Variants in TMEM192 observed in about 807,000 individuals in gnomAD.
The protein encoded by TMEM192 is transmembrane protein 192.
In TMEM192, 20 loss-of-function variants were observed where a neutral mutation model predicts 26.7. The observed-to-expected ratio is 0.75, with a 90% CI of 0.53 to 1.09. TMEM192 has a LOEUF of 1.09. Ranked by LOEUF, TMEM192 falls within the 50% of genes least tolerant of loss-of-function variation. TMEM192 has a pLI of 0.00. For missense variants in TMEM192, 304 were observed against 322.6 expected, an observed-to-expected ratio of 0.94 and a Z score of 0.44; for synonymous variants, 124 against 121.0, an observed-to-expected ratio of 1.02 and a Z score of -0.16.
Position 165,100,902 on chromosome 4 carries a change from A to G in TMEM192, c.175-10T>C, listed in dbSNP as rs754936220. On this transcript the variant is annotated splice_polypyrimidine_tract_variant and intron_variant, in intron 2 of 5. Coordinates refer to ENST00000306480, the MANE Select transcript of TMEM192 (RefSeq NM_001100389.2). ...AAACAACAAACACGAGCTGGGGGAA[A>G]GGAGAGCAGAAAGATTAATATTCAA... is the stretch of plus-strand genomic sequence containing the variant. 5 of 1,603,534 alleles carry G rather than the reference A, an allele frequency of 3.1e-6. No individual in the cohort carries two copies. The highest frequency in any genetic ancestry group is 3.4e-6 in the Non-Finnish European group (4 of 1,176,010).
chr4:165,099,956 A>G (rs1735000654), intron 3 of TMEM192, among the ~76,000 whole-genome samples: 1 of 152,064 alleles, frequency 6.6e-6, no homozygotes, highest in African/African-American at 2.4e-5. Context: ...CCTCAGAGAA[A>G]ATAAAATAAA....
rs1237375870 is a variant in TMEM192 at position 165,085,694 on chromosome 4, A to G, written c.575-6T>C. ...ATTAAATCTCCGGATTTTCACTAAA[A>G]TAATAAAGTCATTATTAGATCGAAT... On this transcript the variant is annotated splice_region_variant and splice_polypyrimidine_tract_variant and intron_variant, in intron 4 of 5. Coordinates refer to ENST00000306480, the MANE Select transcript of TMEM192 (RefSeq NM_001100389.2). The G allele has an allele frequency of 6.4e-7, 1 of 1,566,178 alleles. No individual in the cohort carries two copies. Among genetic ancestry groups the G allele is most frequent in the African/African-American group, 1.4e-5 (1 of 73,118 alleles).
At chr4:165,090,910 C>CAAAAAAAAAAAAAA (rs70952700) in intron 3 of TMEM192, among the ~76,000 whole-genome samples, 2 of 51,016 alleles carry the variant, frequency 3.9e-5, no homozygotes, top group African/African-American at 7.8e-5. Flanking sequence ...GACTCTGTCT[C>CAAAAAAAAAAAAAA]AAAAAAAAAA....
intron 3 of TMEM192, among the ~76,000 whole-genome samples, chr4:165,094,474 A>G (rs1268473425): frequency 6.6e-6 from 1 of 152,300 alleles, no homozygotes; most frequent in Non-Finnish European, 1.5e-5. Flanking sequence ...CCTGACCAAC[A>G]GGGAGAAACC....
At chr4:165,093,213 C>T (rs1264244143) in intron 3 of TMEM192, among the ~76,000 whole-genome samples, 3 of 151,108 alleles carry the variant, frequency 2.0e-5, no homozygotes, top group African/African-American at 4.9e-5. Context: ...TCTCCTGCCG[C>T]GGCCTCCTGA....
intron 3 of TMEM192, among the ~76,000 whole-genome samples, chr4:165,091,110 G>A (rs528682220): frequency 2.6e-5 from 4 of 151,104 alleles, no homozygotes; most frequent in Admixed American, 6.6e-5. Context: ...CTAAAAATAC[G>A]AAAAAAATTA....
intron 3 of TMEM192, among the ~76,000 whole-genome samples, chr4:165,095,988 G>A (rs934016156): frequency 6.7e-6 from 1 of 149,554 alleles, no homozygotes; most frequent in Non-Finnish European, 1.5e-5. Context: ...GTACAGACAG[G>A]GTTTCACCAT....
At chr4:165,100,971 C>CT (rs71602569) in intron 2 of TMEM192, 79 bp from the exon 3 acceptor site, 158,417 of 762,514 alleles carry the variant, frequency 0.21, 2,310 homozygotes, top group South Asian at 0.23. Context: ...AGCATACATT[C>CT]TTTTTTTTTT....
Position 165,088,581 on chromosome 4 carries a change from A to G in TMEM192, c.461T>C (p.Ile154Thr), listed in dbSNP as rs377453363. The change falls in exon 4 of 6, where the codon ATA (isoleucine) becomes ACA (threonine). Residue 154 changes from isoleucine to threonine, a missense_variant. Ile to Thr is a moderately conservative substitution (Grantham distance 89). Transcript: ENST00000306480. ...TGGGAAGGAGTGCTGCATGCACAGT[A>G]TGAGGAGAAGCACTGTGTTGCCTGA... Reference protein sequence around the residue: ...QSSGNTVLLLILCMQHSFPEP... With the variant: ...QSSGNTVLLLTLCMQHSFPEP... 5.0e-6 allele frequency: 8 copies of G among 1,612,976 alleles called. No individual in the cohort carries two copies. The African/African-American group carries it at 1.1e-4, about 22-fold the overall frequency.
chr4:165,085,615 G>A lies in TMEM192; in HGVS notation c.648C>T (p.Pro216=). The change falls in exon 5 of 6, where the codon CCC becomes CCT. Residue 216 remains proline (P), a synonymous_variant. Coordinates refer to ENST00000306480, the MANE Select transcript of TMEM192 (RefSeq NM_001100389.2). The part of the protein sequence containing the change: ...ILEEEKIYAY[P]SNITSETGFR... ...ATCCAGTCTCCGAGGTAATATTGCT[G>A]GGGTAAGCATAGATTTTTTCTTCTT... 1 of 1,612,010 alleles carries A rather than the reference G, an allele frequency of 6.2e-7. No individual in the cohort carries two copies. Among genetic ancestry groups the A allele is most frequent in the Non-Finnish European group, 8.5e-7 (1 of 1,179,234 alleles).
chr4:165,078,207 C>T lies in TMEM192; in HGVS notation c.*1451G>A, dbSNP rs1248670804. On this transcript the variant is annotated 3_prime_UTR_variant, in exon 6 of 6. Transcript: ENST00000306480. ...CCCTTGCCTATATAGTTATATCGAA[C>T]ACATCCCTATATGGTTACATATCAA... 1 of 152,160 alleles carries T rather than the reference C, an allele frequency of 6.6e-6. No individual in the cohort carries two copies. Among genetic ancestry groups the T allele is most frequent in the Non-Finnish European group, 1.5e-5 (1 of 68,038 alleles). The allele number at this position is 152,160 out of a possible 1,614,324, so 9.4% of individuals were successfully genotyped here.
rs1415891912 is a variant in TMEM192 at position 165,076,815 on chromosome 4, T to C, written c.*2843A>G. The C allele has an allele frequency of 6.6e-6, 1 of 152,260 alleles. No individual in the cohort carries two copies. The highest frequency in any genetic ancestry group is 1.5e-5 in the Non-Finnish European group (1 of 68,056). 9.4% of individuals were successfully genotyped at this position (152,260 alleles called of 1,614,324 possible). A position where few individuals can be genotyped will look rare whatever the true frequency, so the allele number is the denominator to read the frequency against. On this transcript the variant is annotated 3_prime_UTR_variant, in exon 6 of 6. Coordinates refer to ENST00000306480, the MANE Select transcript of TMEM192 (RefSeq NM_001100389.2). ...TTTTTCTGTTTTGTTACTTCTTTTT[T>C]TTTTGAGATCGAGTCTAGCTCTGTT...
At chr4:165,104,475 C>A (rs1182844425) in intron 1 of TMEM192, among the ~76,000 whole-genome samples, 1 of 152,102 alleles carries the variant, frequency 6.6e-6, no homozygotes, top group Non-Finnish European at 1.5e-5. Context: ...GGAGTGGGCT[C>A]CTCAATTTCC....
intron 4 of TMEM192, among the ~76,000 whole-genome samples, chr4:165,086,284 A>C (rs941061098): frequency 4.6e-5 from 7 of 152,080 alleles, no homozygotes; most frequent in Non-Finnish European, 1.0e-4. Context: ...GTGCAGGAGG[A>C]GTCTGAACAA....
At chr4:165,094,269 T>A (rs1424542493) in intron 3 of TMEM192, among the ~76,000 whole-genome samples, 1 of 152,120 alleles carries the variant, frequency 6.6e-6, no homozygotes, top group East Asian at 1.9e-4. Context: ...ACTCCTGGCC[T>A]CAAGTGACCC....
At chr4:165,106,764 T>G (rs192274170) in intron 1 of TMEM192, among the ~76,000 whole-genome samples, 1 of 152,344 alleles carries the variant, frequency 6.6e-6, no homozygotes, top group Admixed American at 6.5e-5. Flanking sequence ...TCCCTGGTTT[T>G]GAGGCTTTTG....
At chr4:165,085,714 T>A (rs886819980) in intron 4 of TMEM192, 26 bp from the exon 5 acceptor site, 1 of 1,483,714 alleles carries the variant, frequency 6.7e-7, no homozygotes, top group Non-Finnish European at 9.3e-7. Context: ...CATTATTAGA[T>A]CGAATTCTGA....
rs1734350582 is a variant in TMEM192, at chr4:165,075,257, T to C, written c.*4401A>G. The C allele has an allele frequency of 6.6e-6, 1 of 151,480 alleles. No homozygotes were observed. The highest frequency in any genetic ancestry group is 2.4e-5 in the African/African-American group (1 of 41,324). The allele number at this position is 151,480 out of a possible 1,614,324, so 9.4% of individuals were successfully genotyped here. A position where few individuals can be genotyped will look rare whatever the true frequency, so the allele number is the denominator to read the frequency against. ...TTTTCTTTTCTTTCTTTTTTTTTTTTTGTGATGGAGTCTCGCTCTGCTCTG... is the reference window on the plus strand; with the variant it reads ...TTTTCTTTTCTTTCTTTTTTTTTTTCTGTGATGGAGTCTCGCTCTGCTCTG... On this transcript the variant is annotated 3_prime_UTR_variant, in exon 6 of 6. Transcript: ENST00000306480.
intron 1 of TMEM192, 103 bp downstream of exon 1, chr4:165,112,644 A>C: frequency 6.6e-7 from 1 of 1,521,106 alleles, no homozygotes; most frequent in Admixed American, 1.9e-5. Context: ...CCGCGGCCGC[A>C]GTCGCCAAGG....
Sources: gnomAD v4.1 joint callset for allele counts (sites outside exome capture counted in the v4.1 genomes callset) on GRCh38, gnomAD v4.1.1 for gene constraint, MANE v1.5 for transcripts, NCBI Gene and HGNC (gene_info 2026-07-23, HGNC 2026-07-21) for gene names.